SYT1: variants seen among roughly 807,000 people sequenced by gnomAD.
The protein encoded by SYT1 is synaptotagmin-1.
Under a neutral mutation model 44.8 loss-of-function variants are expected in SYT1, and 8 were observed. The observed-to-expected ratio is 0.18, with a 90% CI of 0.10 to 0.32. SYT1 has a LOEUF of 0.32. Ranked by LOEUF, SYT1 falls within the 10% of genes least tolerant of loss-of-function variation. SYT1 has a pLI of 1.00. For missense variants in SYT1, 286 were observed against 509.3 expected (o/e 0.56, Z 4.22); for synonymous variants, 154 against 188.8 (o/e 0.82, Z 1.51).
At chr12:79,227,680 T>C (rs552866584) in intron 4 of SYT1, among the ~76,000 whole-genome samples, 1 of 152,318 alleles carries the variant, frequency 6.6e-6, no homozygotes, top group East Asian at 1.9e-4. Flanking sequence ...TTGGGCATCT[T>C]AATTAATTTT....
intron 8 of SYT1, among the ~76,000 whole-genome samples, chr12:79,304,094 A>G (rs1880275809): frequency 6.6e-6 from 1 of 152,214 alleles, no homozygotes. Flanking sequence ...CAGGAATTAT[A>G]CTTGTTTTTC....
intron 3 of SYT1, among the ~76,000 whole-genome samples, chr12:79,163,527 G>A (rs1329855798): frequency 6.6e-6 from 1 of 152,090 alleles, no homozygotes; most frequent in African/African-American, 2.4e-5. Flanking sequence ...ACGGTCTAAA[G>A]AAGGACTTCA....
At chr12:79,254,925 A>T (rs1258608191) in intron 4 of SYT1, among the ~76,000 whole-genome samples, 1 of 152,156 alleles carries the variant, frequency 6.6e-6, no homozygotes, top group African/African-American at 2.4e-5. Context: ...CTTATGGATG[A>T]GCAAAGAAAG....
intron 3 of SYT1, among the ~76,000 whole-genome samples, chr12:79,197,939 A>T (rs1873561754): frequency 6.6e-6 from 1 of 152,158 alleles, no homozygotes; most frequent in Admixed American, 6.5e-5. Context: ...GAAACATGGA[A>T]AGCAAATAAA....
intron 1 of SYT1, among the ~76,000 whole-genome samples, chr12:78,920,664 T>C (rs1876932975): frequency 6.6e-6 from 1 of 151,912 alleles, no homozygotes; most frequent in Non-Finnish European, 1.5e-5. Context: ...TACCTTGGGG[T>C]ATATAAAGTA....
At chr12:79,378,709 T>TA (rs1489810415) in intron 9 of SYT1, among the ~76,000 whole-genome samples, 1 of 152,134 alleles carries the variant, frequency 6.6e-6, no homozygotes, top group Non-Finnish European at 1.5e-5. Context: ...ACACTAGCAT[T>TA]AAATTGCTAA....
intron 2 of SYT1, among the ~76,000 whole-genome samples, chr12:79,010,969 G>A (rs117070217): frequency 2.9e-3 from 447 of 152,222 alleles, no homozygotes; most frequent in Admixed American, 5.4e-3. Context: ...GAGGTGTCTT[G>A]GTCTAGAATT....
In SYT1 at chr12:79,330,832, A is replaced by G. The variant is rs1881822452; in HGVS notation, c.811-22670A>G. On this transcript the variant is annotated intron_variant, in intron 8 of 10. Transcript: ENST00000261205. ...ATGAAGGTCCATAAGGTTTAAGAATATTACCAGATCACATAGCTAGTAAGT... is the reference window on the plus strand; with the variant it reads ...ATGAAGGTCCATAAGGTTTAAGAATGTTACCAGATCACATAGCTAGTAAGT... Among the ~76,000 whole-genome samples, 10 of 152,316 alleles carry G rather than the reference A, an allele frequency of 6.6e-5. No homozygotes were observed. In the South Asian group the frequency reaches 2.1e-3, roughly 32 times the overall value.
At chr12:78,946,906 A>T (rs1236768853) in intron 1 of SYT1, among the ~76,000 whole-genome samples, 1 of 152,172 alleles carries the variant, frequency 6.6e-6, no homozygotes, top group Non-Finnish European at 1.5e-5. Flanking sequence ...TGGGATGAAC[A>T]GTAGGAGCAC....
intron 9 of SYT1, among the ~76,000 whole-genome samples, chr12:79,360,792 C>T (rs920745531): frequency 9.2e-5 from 14 of 152,078 alleles, no homozygotes; most frequent in Non-Finnish European, 1.9e-4. Flanking sequence ...AATCTGAATT[C>T]GTAAAACATG....
chr12:78,894,330 G>GTTTTTTTTTTT lies in SYT1; in HGVS notation c.-217+29246_-217+29256dup, dbSNP rs566175647. Among the ~76,000 whole-genome samples, 21 of 27,732 alleles carry GTTTTTTTTTTT rather than the reference G, an allele frequency of 7.6e-4. 7 individuals are homozygous for GTTTTTTTTTTT. Among genetic ancestry groups the GTTTTTTTTTTT allele is most frequent in the Non-Finnish European group, 9.2e-4 (14 of 15,136 alleles). The allele number at this position is 27,732 out of a possible 152,430, so 18.2% of individuals were successfully genotyped here. Reference sequence around the variant, plus strand: ...AATTTATGATTGTGTTTTTTAATCTGTTTTTTTTTTTTTTTTTTTTTTTTT... The same window carrying GTTTTTTTTTTT: ...AATTTATGATTGTGTTTTTTAATCTGTTTTTTTTTTTTTTTTTTTTTTTTTTTTTTTTTTTT... On this transcript the variant is annotated intron_variant, in intron 1 of 10. Coordinates refer to ENST00000261205, the MANE Select transcript of SYT1 (RefSeq NM_005639.3).
intron 9 of SYT1, among the ~76,000 whole-genome samples, chr12:79,408,630 A>C (rs1013290178): frequency 2.6e-5 from 4 of 152,248 alleles, no homozygotes; most frequent in Admixed American, 2.6e-4. Flanking sequence ...TGCTATAAAA[A>C]TACAAGAAGG....
chr12:79,241,810 T>C (rs533920470), intron 4 of SYT1, among the ~76,000 whole-genome samples: 36 of 152,266 alleles, frequency 2.4e-4, no homozygotes, highest in African/African-American at 8.7e-4. Context: ...TCTTTAGAAA[T>C]AGATCACTTT....
At chr12:79,079,426 T>C (rs1004281632) in intron 3 of SYT1, among the ~76,000 whole-genome samples, 1 of 152,128 alleles carries the variant, frequency 6.6e-6, no homozygotes, top group Non-Finnish European at 1.5e-5. Context: ...GAGATTATTT[T>C]TGTAGAATGT....
intron 8 of SYT1, among the ~76,000 whole-genome samples, chr12:79,351,536 GA>G (rs777446027): frequency 9.4e-4 from 118 of 125,162 alleles, no homozygotes; most frequent in Middle Eastern, 8.5e-3. Flanking sequence ...AGAATTCTGC[GA>G]AAAAAAAAAA....
At chr12:79,308,612 A>AAAAGAAAGAAAG (rs199999817) in intron 8 of SYT1, among the ~76,000 whole-genome samples, 202 of 134,318 alleles carry the variant, frequency 1.5e-3, no homozygotes, top group African/African-American at 3.5e-3. Flanking sequence ...GAAAGAAAGA[A>AAAAGAAAGAAAG]AAAGAAAGAA....
chr12:79,173,015 G>T (rs1871636619), intron 3 of SYT1, among the ~76,000 whole-genome samples: 2 of 114,254 alleles, frequency 1.8e-5, no homozygotes, highest in Admixed American at 9.5e-5. Flanking sequence ...AAGGGAGTTT[G>T]GCCTGTCCAG....
intron 9 of SYT1, among the ~76,000 whole-genome samples, chr12:79,438,459 C>A (rs1365901535): frequency 4.6e-5 from 7 of 151,986 alleles, no homozygotes; most frequent in Non-Finnish European, 1.0e-4. Flanking sequence ...AAACTCCTAC[C>A]AATTAATATG....
chr12:79,041,104 C>T (rs886376183), intron 2 of SYT1, among the ~76,000 whole-genome samples: 14 of 152,094 alleles, frequency 9.2e-5, no homozygotes, highest in Admixed American at 7.2e-4. Context: ...CTTGGCAATG[C>T]GGGCTCTTTT....
Sources: gnomAD v4.1 joint callset for allele counts (sites outside exome capture counted in the v4.1 genomes callset) on GRCh38, gnomAD v4.1.1 for gene constraint, MANE v1.5 for transcripts, NCBI Gene and HGNC (gene_info 2026-07-23, HGNC 2026-07-21) for gene names.